Variants in CROCC observed in about 807,000 individuals in gnomAD.
CROCC encodes ciliary rootlet coiled-coil, rootletin, also known as rootletin.
Under a neutral mutation model 245.2 loss-of-function variants are expected in CROCC, and 180 were observed. The observed-to-expected ratio is 0.73, with a 90% CI of 0.65 to 0.83. The LOEUF (loss-of-function observed/expected upper bound fraction) is 0.83, where lower values mean the gene tolerates loss of function less well. Among genes scored for constraint, CROCC ranks in the 40% least tolerant of loss-of-function variants. The pLI is 0.00. For synonymous variants in CROCC, 1,205 were observed against 1,241.6 expected, an observed-to-expected ratio of 0.97 and a Z score of 0.62; for missense variants, 2,688 against 2,779.4, an observed-to-expected ratio of 0.97 and a Z score of 0.74.
chr1:16,935,334 C>T (rs2075764947), intron 8 of CROCC, among the ~76,000 whole-genome samples: 1 of 152,284 alleles, frequency 6.6e-6, no homozygotes, highest in African/African-American at 2.4e-5. Flanking sequence ...CTTCACAGTT[C>T]TTGAAGATGC....
At chr1:16,921,834 C>A, upstream of CROCC, 1 of 618,158 alleles carries the variant, frequency 1.6e-6, no homozygotes. Flanking sequence ...CTGTCCTTTC[C>A]CATCCCCTCC....
intron 1 of CROCC, among the ~76,000 whole-genome samples, chr1:16,922,327 T>G (rs1457266701): frequency 6.6e-6 from 1 of 152,264 alleles, no homozygotes; most frequent in Non-Finnish European, 1.5e-5. Flanking sequence ...TGCCAGATTT[T>G]AGGGCTTGGG....
intron 3 of CROCC, among the ~76,000 whole-genome samples, chr1:16,928,647 CA>C (rs1467000671): frequency 6.6e-6 from 1 of 151,696 alleles, no homozygotes; most frequent in Non-Finnish European, 1.5e-5. Flanking sequence ...ACTAAAAATA[CA>C]AAAAATTAGC....
Position 16,939,226 on chromosome 1 carries a change from G to T in CROCC, c.1608+84G>T, listed in dbSNP as rs1458853606. 6 of 1,065,170 alleles carry T rather than the reference G, an allele frequency of 5.6e-6. No individual in the cohort carries two copies. The Admixed American group carries it at 1.2e-4, about 20-fold the overall frequency. The allele number at this position is 1,065,170 out of a possible 1,614,324, so 66.0% of individuals were successfully genotyped here. On this transcript the variant is annotated intron_variant, in intron 12 of 36. Coordinates refer to ENST00000375541, the MANE Select transcript of CROCC (RefSeq NM_014675.5). ...CCTCCGGGTGGGGGCGGGGGCGGGGGCAGGTCCGGGGCCAGGGTCCGAGGG... is the reference window on the plus strand; with the variant it reads ...CCTCCGGGTGGGGGCGGGGGCGGGGTCAGGTCCGGGGCCAGGGTCCGAGGG...
chr1:16,963,506 G>A lies in CROCC; in HGVS notation c.4406-2217G>A, dbSNP rs182581548. On this transcript the variant is annotated intron_variant, in intron 27 of 36. Transcript: ENST00000375541. ...CTTCTAGAGCTGGAGGCCCCCAGGG[G>A]CAGGCCTGCTTCTTTGGGAACCTCT... is the stretch of plus-strand genomic sequence containing the variant. Among the ~76,000 whole-genome samples the A allele has an allele frequency of 2.0e-3, 300 of 152,322 alleles. 4 individuals are homozygous for A. Among genetic ancestry groups the A allele is most frequent in the Non-Finnish European group, 6.9e-4 (47 of 68,024 alleles).
At position 16,969,818 on chromosome 1, in the gene CROCC, G is replaced by A. The variant is rs777132354; in HGVS notation, c.5335G>A (p.Glu1779Lys). 3 of 1,613,188 alleles carry A rather than the reference G, an allele frequency of 1.9e-6. No homozygotes were observed. Among genetic ancestry groups the A allele is most frequent in the Non-Finnish European group, 2.5e-6 (3 of 1,179,738 alleles). The change falls in exon 33 of 37, where the codon GAG (glutamate) becomes AAG (lysine). Residue 1779 changes from glutamate (E) to lysine (K), a missense_variant. This residue lies in a region of CROCC where 1,218 missense variants were observed against 1,286.3 expected (regional missense o/e 0.95). Transcript: ENST00000375541. ...GGATGCCGCCCGGCAGGCATTATCT[G>A]AGGCACGGAAGCAGAGCAGCTCCCT... Reference protein sequence around the residue: ...RLDAARQALSEARKQSSSLGE... With the variant: ...RLDAARQALSKARKQSSSLGE...
chr1:16,966,170 T>A lies in CROCC; in HGVS notation c.4696+51T>A. On this transcript the variant is annotated intron_variant, in intron 29 of 36. Transcript: ENST00000375541. This position sits in a 1 kb window ranked among gnomAD's most constrained non-coding sequence, Gnocchi z 4.8. ...TTCTCTCTCCTGTGTTTTGGGCAGT[T>A]GAGGCAGGAGCCGGGGGATTGGCCT... The A allele has an allele frequency of 1.3e-6, 2 of 1,570,780 alleles. No homozygotes were observed. The highest frequency in any genetic ancestry group is 1.7e-6 in the Non-Finnish European group (2 of 1,152,708).
At chr1:16,932,475 G>C (rs1359349576) in intron 8 of CROCC, among the ~76,000 whole-genome samples, 1 of 152,180 alleles carries the variant, frequency 6.6e-6, no homozygotes, top group Non-Finnish European at 1.5e-5. Flanking sequence ...CTGAGGAAGC[G>C]AGTGGTCAGT....
chr1:16,955,997 C>G lies in CROCC; in HGVS notation c.3705C>G (p.Ser1235Arg). 1 of 1,550,228 alleles carries G rather than the reference C, an allele frequency of 6.5e-7. No homozygotes were observed. The highest frequency in any genetic ancestry group is 8.7e-7 in the Non-Finnish European group (1 of 1,146,990). The change falls in exon 25 of 37, where the codon AGC becomes AGG. Residue 1235 changes from serine (S) to arginine (R), a missense_variant and splice_region_variant. By Grantham distance (110) the Ser-to-Arg change is moderately radical (BLOSUM62 -1). Coordinates refer to ENST00000375541, the MANE Select transcript of CROCC (RefSeq NM_014675.5). ...AGCCCCTGACCTCTGCCCTCTCCAGCCTGAAGCTTGCCAATGAGGACAAGG... is the reference window on the plus strand; with the variant it reads ...AGCCCCTGACCTCTGCCCTCTCCAGGCTGAAGCTTGCCAATGAGGACAAGG... ...AVKKAESERI[S>R]LKLANEDKEQ...
At position 16,931,276 on chromosome 1, in the gene CROCC, A is replaced by G. The variant is rs1002151028; in HGVS notation, c.850-15A>G. The G allele has an allele frequency of 6.2e-7, 1 of 1,602,986 alleles. No individual in the cohort carries two copies. Among genetic ancestry groups the G allele is most frequent in the Admixed American group, 1.7e-5 (1 of 59,782 alleles). On this transcript the variant is annotated splice_polypyrimidine_tract_variant and intron_variant, in intron 7 of 36. Transcript: ENST00000375541. ...CTCTCACACCAACCCTTCCCTCGGC[A>G]TGTCTTCCCTCCAGTCCTTCAACGC...
chr1:16,938,209 A>G (rs1226467624), intron 10 of CROCC, among the ~76,000 whole-genome samples, 191 bp from the exon 11 acceptor site: 31 of 152,366 alleles, frequency 2.0e-4, no homozygotes, highest in African/African-American at 7.0e-4. Flanking sequence ...CTGGGGCAGG[A>G]CATAGCTCTT....
Position 16,966,024 on chromosome 1 carries a change from C to A in CROCC, c.4601C>A (p.Ala1534Asp). The change falls in exon 29 of 37, where the codon GCC (alanine) becomes GAC (aspartate). Residue 1534 changes from alanine (A) to aspartate (D), a missense_variant. Physicochemically the swap from Ala to Asp is moderately radical, Grantham distance 126 (BLOSUM62 -2). This residue lies in a region of CROCC where 1,218 missense variants were observed against 1,286.3 expected (regional missense o/e 0.95). Coordinates refer to ENST00000375541, the MANE Select transcript of CROCC (RefSeq NM_014675.5). The surrounding 1 kb of genome is among the most constrained non-coding windows in gnomAD (Gnocchi z 4.8). ...GACGAACTTCGGACCCAGACCAGTGCCCTGAATCGCCAGCTGGCCGAGATG... is the reference window on the plus strand; with the variant it reads ...GACGAACTTCGGACCCAGACCAGTGACCTGAATCGCCAGCTGGCCGAGATG... Reference protein sequence around the residue: ...ERDELRTQTSALNRQLAEMEA... With the variant: ...ERDELRTQTSDLNRQLAEMEA... 6.2e-7 allele frequency: 1 copy of A among 1,613,758 alleles called. No individual in the cohort carries two copies. The highest frequency in any genetic ancestry group is 8.5e-7 in the Non-Finnish European group (1 of 1,179,760).
At chr1:16,931,253 C>G in intron 7 of CROCC, 38 bp from the exon 8 acceptor site, 1 of 1,570,636 alleles carries the variant, frequency 6.4e-7, no homozygotes. Flanking sequence ...TAAACCCGCT[C>G]TCACACCAAC....
At chr1:16,928,217 A>T (rs1185232391) in intron 3 of CROCC, among the ~76,000 whole-genome samples, 1 of 152,284 alleles carries the variant, frequency 6.6e-6, no homozygotes, top group Non-Finnish European at 1.5e-5. Flanking sequence ...CTAGCATCAG[A>T]GTAAGCTGGG....
Position 16,954,773 on chromosome 1 carries a change from C to G in CROCC, c.3361C>G (p.Arg1121Gly). ...NALTSELRDLRAQREEAAAAH... is the reference protein window; with the variant it reads ...NALTSELRDLGAQREEAAAAH... ...TCTGACGTCTGAGCTGCGGGACCTACGGGCCCAGCGGGAGGAGGCTGCTGC... is the reference window on the plus strand; with the variant it reads ...TCTGACGTCTGAGCTGCGGGACCTAGGGGCCCAGCGGGAGGAGGCTGCTGC... Residue 1121 changes from arginine to glycine, a missense_variant, in exon 23 of 37, where the codon CGG (arginine) becomes GGG (glycine). Transcript: ENST00000375541. The surrounding 1 kb of genome is among the most constrained non-coding windows in gnomAD (Gnocchi z 4.4). 1 of 1,554,162 alleles carries G rather than the reference C, an allele frequency of 6.4e-7. No individual in the cohort carries two copies. The highest frequency in any genetic ancestry group is 1.2e-5 in the South Asian group (1 of 84,278).
chr1:16,969,523 G>A (rs2076477330), intron 32 of CROCC, among the ~76,000 whole-genome samples, 183 bp downstream of exon 32: 1 of 152,202 alleles, frequency 6.6e-6, no homozygotes, highest in African/African-American at 2.4e-5. Context: ...GAGGCTCTGG[G>A]TATGTCCCGT....
intron 8 of CROCC, among the ~76,000 whole-genome samples, chr1:16,935,862 G>T (rs1156256596): frequency 7.2e-5 from 11 of 152,264 alleles, no homozygotes; most frequent in Admixed American, 4.6e-4. Flanking sequence ...GAACCTCCTT[G>T]TCCACAAGCC....
chr1:16,943,013 CAGG>C (rs2075965257), intron 13 of CROCC, among the ~76,000 whole-genome samples: 1 of 152,238 alleles, frequency 6.6e-6, no homozygotes, highest in Admixed American at 6.5e-5. Context: ...GAGGCCGAGG[CAGG>C]AGGACCACCT....
upstream of CROCC, chr1:16,921,879 T>C (rs1201774896): frequency 6.1e-6 from 5 of 821,486 alleles, no homozygotes; most frequent in Admixed American, 2.4e-5. Flanking sequence ...CCCACCGCGG[T>C]GGTCACATGG....
Sources: allele counts gnomAD v4.1 joint callset (sites outside exome capture counted in the v4.1 genomes callset), GRCh38; gene constraint gnomAD v4.1.1; regional missense constraint gnomAD v4.1.1; non-coding constraint Gnocchi (gnomAD v3.1); transcripts MANE v1.5; gene names NCBI Gene and HGNC (gene_info 2026-07-23, HGNC 2026-07-21).